Variants in GOLPH3 observed in about 807,000 individuals in gnomAD.
GOLPH3 encodes the protein golgi phosphoprotein 3.
In GOLPH3, 14 loss-of-function variants were observed where a neutral mutation model predicts 28.5. The ratio of observed to expected loss-of-function variants is 0.49; its 90% confidence interval spans 0.32 to 0.77. The LOEUF (loss-of-function observed/expected upper bound fraction) is 0.77. Ranked by LOEUF, GOLPH3 falls within the 30% of genes least tolerant of loss-of-function variation. GOLPH3 has a pLI of 0.03. For synonymous variants in GOLPH3, 158 were observed against 159.2 expected, an observed-to-expected ratio of 0.99 and a Z score of 0.06; for missense variants, 350 against 393.7, an observed-to-expected ratio of 0.89 and a Z score of 0.94.
intron 3 of GOLPH3, among the ~76,000 whole-genome samples, chr5:32,131,974 A>G (rs1252716102): frequency 6.6e-6 from 1 of 152,108 alleles, no homozygotes; most frequent in Non-Finnish European, 1.5e-5. Flanking sequence ...GGGCAACATG[A>G]TGAAACCCCA....
intron 1 of GOLPH3, among the ~76,000 whole-genome samples, chr5:32,170,245 A>G (rs954210200): frequency 6.6e-6 from 1 of 152,230 alleles, no homozygotes; most frequent in Non-Finnish European, 1.5e-5. Context: ...AAATTAATCT[A>G]TGCTGAATTC....
chr5:32,154,682 A>G (rs892532313), intron 1 of GOLPH3, among the ~76,000 whole-genome samples: 5 of 152,230 alleles, frequency 3.3e-5, no homozygotes, highest in African/African-American at 9.6e-5. Flanking sequence ...GGAAATTTCC[A>G]ACAGGCAGAT....
At chr5:32,167,980 T>C (rs557039584) in intron 1 of GOLPH3, among the ~76,000 whole-genome samples, 273 of 152,136 alleles carry the variant, frequency 1.8e-3, no homozygotes, top group African/African-American at 6.2e-3. Flanking sequence ...AATCAAATAG[T>C]TTAATGAACT....
intron 1 of GOLPH3, among the ~76,000 whole-genome samples, chr5:32,151,508 C>CA (rs1561673096): frequency 1.3e-5 from 2 of 151,604 alleles, no homozygotes; most frequent in Non-Finnish European, 2.9e-5. Context: ...GATCCTGTCT[C>CA]AAAAAAATAT....
chr5:32,154,803 G>A (rs1746380180), intron 1 of GOLPH3, among the ~76,000 whole-genome samples: 1 of 152,204 alleles, frequency 6.6e-6, no homozygotes, highest in Non-Finnish European at 1.5e-5. Context: ...AAGTCATCTT[G>A]GCTGGGTGCA....
chr5:32,142,921 T>A (rs941525559), intron 2 of GOLPH3, among the ~76,000 whole-genome samples: 2 of 151,722 alleles, frequency 1.3e-5, no homozygotes, highest in African/African-American at 4.8e-5. Flanking sequence ...GGAGCCCCTC[T>A]GCCCGGCCAC....
At chr5:32,155,562 A>G (rs1746400613) in intron 1 of GOLPH3, among the ~76,000 whole-genome samples, 1 of 152,166 alleles carries the variant, frequency 6.6e-6, no homozygotes, top group Non-Finnish European at 1.5e-5. Context: ...ACTCCCCTTA[A>G]GCATTTCAAA....
At chr5:32,155,800 A>T (rs559680262) in intron 1 of GOLPH3, among the ~76,000 whole-genome samples, 1 of 34,908 alleles carries the variant, frequency 2.9e-5, no homozygotes, top group Admixed American at 4.4e-4. Context: ...TCTACTAAAA[A>T]TATAAAATTA....
At chr5:32,151,813 A>T (rs1746312658) in intron 1 of GOLPH3, among the ~76,000 whole-genome samples, 1 of 152,222 alleles carries the variant, frequency 6.6e-6, no homozygotes, top group African/African-American at 2.4e-5. Flanking sequence ...ATACATAGCT[A>T]CAAAACATGG....
At chr5:32,147,691 T>C (rs543992193) in intron 1 of GOLPH3, among the ~76,000 whole-genome samples, 99 of 152,320 alleles carry the variant, frequency 6.5e-4, no homozygotes, top group Non-Finnish European at 1.2e-3. Context: ...ACTATAGTTA[T>C]AGTTGTTCAA....
chr5:32,153,456 G>A (rs927901122), intron 1 of GOLPH3, among the ~76,000 whole-genome samples: 2 of 149,196 alleles, frequency 1.3e-5, no homozygotes, highest in African/African-American at 2.5e-5. Context: ...GAAAACAACC[G>A]TATACTACTT....
intron 1 of GOLPH3, among the ~76,000 whole-genome samples, chr5:32,164,361 G>A (rs1328674016): frequency 1.3e-5 from 2 of 151,340 alleles, no homozygotes; most frequent in African/African-American, 4.9e-5. Context: ...TTTGTACACT[G>A]TAAGTGTGCC....
chr5:32,145,686 C>T (rs1233429332), intron 1 of GOLPH3, among the ~76,000 whole-genome samples: 1 of 152,204 alleles, frequency 6.6e-6, no homozygotes, highest in African/African-American at 2.4e-5. Flanking sequence ...ATGTCTCAAT[C>T]TCAATTGCTC....
chr5:32,147,210 CACAAAA>C (rs200295219), intron 1 of GOLPH3, among the ~76,000 whole-genome samples: 2,216 of 151,878 alleles, frequency 0.015, 20 homozygotes, highest in Non-Finnish European at 0.024. Flanking sequence ...CATAGTAAAA[CACAAAA>C]ACAATCTAAA....
intron 1 of GOLPH3, among the ~76,000 whole-genome samples, chr5:32,163,572 T>C (rs1304898458): frequency 3.9e-5 from 6 of 152,086 alleles, no homozygotes; most frequent in Admixed American, 1.3e-4. Flanking sequence ...AAGGATTGCT[T>C]GAACCCAGGA....
chr5:32,169,245 G>A (rs1463921092), intron 1 of GOLPH3, among the ~76,000 whole-genome samples: 1 of 152,178 alleles, frequency 6.6e-6, no homozygotes. Context: ...TCGCACCACT[G>A]CACTCCAGCC....
rs1241350915 is a variant in GOLPH3 at position 32,126,423 on chromosome 5, G to A, written c.686C>T (p.Pro229Leu). ...CAGCAAGCGCCTGTCCATGCGGTGAGGGTCATTCACCCATTTGTCAAGAAC... is the reference window on the plus strand; with the variant it reads ...CAGCAAGCGCCTGTCCATGCGGTGAAGGTCATTCACCCATTTGTCAAGAAC... ...EAVLDKWVND[P>L]HRMDRRLLAL... The change falls in exon 4 of 4, where the codon CCT (proline) becomes CTT (leucine). Residue 229 changes from proline to leucine, a missense_variant. Physicochemically the swap from Pro to Leu is moderately conservative, Grantham distance 98 (BLOSUM62 -3). Coordinates refer to ENST00000265070, the MANE Select transcript of GOLPH3 (RefSeq NM_022130.4). 2.5e-6 allele frequency: 4 copies of A among 1,614,146 alleles called. No homozygotes were observed. Among genetic ancestry groups the A allele is most frequent in the Non-Finnish European group, 3.4e-6 (4 of 1,180,020 alleles).
intron 1 of GOLPH3, among the ~76,000 whole-genome samples, chr5:32,164,454 C>T (rs916356536): frequency 3.3e-5 from 5 of 151,338 alleles, no homozygotes; most frequent in African/African-American, 9.7e-5. Flanking sequence ...AGTGCAGTGG[C>T]GCGATATGGG....
At chr5:32,173,697 G>T (rs1746903357) in intron 1 of GOLPH3, 113 bp downstream of exon 1, 3 of 697,992 alleles carry the variant, frequency 4.3e-6, no homozygotes, top group Non-Finnish European at 6.0e-6. Flanking sequence ...ACTTCGGAGC[G>T]AGGGCAGGTG....
Sources: allele counts gnomAD v4.1 joint callset (sites outside exome capture counted in the v4.1 genomes callset), GRCh38; gene constraint gnomAD v4.1.1; transcripts MANE v1.5; gene names NCBI Gene and HGNC (gene_info 2026-07-23, HGNC 2026-07-21).